Variants in NBEA observed in about 807,000 individuals in gnomAD.
NBEA encodes the protein neurobeachin, also known as lysosomal-trafficking regulator 2.
Under a neutral mutation model 343.4 loss-of-function variants are expected in NBEA, and 44 were observed. The observed-to-expected ratio is 0.13, with a 90% CI of 0.10 to 0.16. NBEA has a LOEUF of 0.16. Ranked by LOEUF, NBEA falls within the 10% of genes least tolerant of loss-of-function variation. NBEA has a pLI of 1.00. For synonymous variants in NBEA, 1,175 were observed against 1,238.7 expected (o/e 0.95, Z 1.08); for missense variants, 2,555 against 3,631.3 (o/e 0.70, Z 7.62).
At chr13:35,265,433 T>A (rs1203229279) in intron 34 of NBEA, among the ~76,000 whole-genome samples, 1 of 151,490 alleles carries the variant, frequency 6.6e-6, no homozygotes. Context: ...GTAAAAAAAA[T>A]TTGAGGCATC....
intron 35 of NBEA, among the ~76,000 whole-genome samples, chr13:35,307,802 A>G (rs1425355067): frequency 6.6e-6 from 1 of 152,112 alleles, no homozygotes; most frequent in Non-Finnish European, 1.5e-5. Flanking sequence ...GATTTCCAAT[A>G]AATACAGAAT....
At chr13:35,541,254 G>C (rs2078809201) in intron 41 of NBEA, among the ~76,000 whole-genome samples, 1 of 150,724 alleles carries the variant, frequency 6.6e-6, no homozygotes, top group Non-Finnish European at 1.5e-5. Context: ...CCTTCTGCTT[G>C]GTACTTCCTT....
chr13:34,955,804 G>A (rs1306253163), intron 1 of NBEA, among the ~76,000 whole-genome samples: 1 of 151,994 alleles, frequency 6.6e-6, no homozygotes, highest in Admixed American at 6.6e-5. Context: ...TTCTGTTTAG[G>A]CCTTCAACTG....
At chr13:35,211,236 C>T in intron 33 of NBEA, 57 bp downstream of exon 33, 1 of 1,351,170 alleles carries the variant, frequency 7.4e-7, no homozygotes, top group Non-Finnish European at 1.0e-6. Context: ...TGAAACAGTA[C>T]ACAAAAATAC....
chr13:35,464,796 T>C (rs2047081832), intron 40 of NBEA, among the ~76,000 whole-genome samples: 1 of 152,208 alleles, frequency 6.6e-6, no homozygotes, highest in Non-Finnish European at 1.5e-5. Flanking sequence ...TAATTATTCT[T>C]GTGTATTCTT....
chr13:35,168,888 T>C (rs2070246373), intron 24 of NBEA, 99 bp from the exon 25 acceptor site: 1 of 799,738 alleles, frequency 1.3e-6, no homozygotes, highest in African/African-American at 1.8e-5. Context: ...AAATATATTA[T>C]TTTGTGTTTC....
chr13:35,184,451 T>G (rs985395312), intron 30 of NBEA, among the ~76,000 whole-genome samples: 1 of 152,052 alleles, frequency 6.6e-6, no homozygotes, highest in African/African-American at 2.4e-5. Context: ...TATACGTTAT[T>G]TAACTTCCAG....
intron 56 of NBEA, 38 bp from the exon 57 acceptor site, chr13:35,667,335 TC>T (rs1566484687): frequency 3.2e-6 from 5 of 1,569,504 alleles, no homozygotes; most frequent in South Asian, 1.1e-5. Context: ...TCGTTTGTCG[TC>T]CCCAACTGAC....
intron 43 of NBEA, 48 bp downstream of exon 43, chr13:35,551,080 A>C (rs1270704022): frequency 9.3e-7 from 1 of 1,080,114 alleles, no homozygotes; most frequent in East Asian, 2.4e-5. Flanking sequence ...AACATATTTC[A>C]ATCTCAATAT....
At chr13:35,251,591 CCAA>C (rs2031965407) in intron 34 of NBEA, 1 of 1,221,512 alleles carries the variant, frequency 8.2e-7, no homozygotes, top group Non-Finnish European at 1.0e-6. Context: ...GCAGTGGAAG[CCAA>C]ACAGGTAGCT....
chr13:35,469,345 G>T (rs1461557870), intron 40 of NBEA, among the ~76,000 whole-genome samples: 1 of 152,080 alleles, frequency 6.6e-6, no homozygotes, highest in African/African-American at 2.4e-5. Flanking sequence ...GCTCTAAAGA[G>T]AAGTTATTAT....
At chr13:34,984,521 A>G (rs368484271) in intron 1 of NBEA, among the ~76,000 whole-genome samples, 1 of 151,514 alleles carries the variant, frequency 6.6e-6, no homozygotes, top group Non-Finnish European at 1.5e-5. Context: ...TGTATTGGCA[A>G]TGCGGGCTCT....
chr13:35,135,234 T>C (rs2067651835), intron 17 of NBEA, among the ~76,000 whole-genome samples: 1 of 152,092 alleles, frequency 6.6e-6, no homozygotes, highest in African/African-American at 2.4e-5. Context: ...TCCTATACCT[T>C]ATCCTCCATT....
At chr13:35,378,094 C>G (rs1447154611) in intron 38 of NBEA, among the ~76,000 whole-genome samples, 1 of 152,138 alleles carries the variant, frequency 6.6e-6, no homozygotes, top group African/African-American at 2.4e-5. Context: ...TCAAATATTA[C>G]TGTCTTGGGG....
At chr13:35,036,870 T>G (rs181652030) in intron 1 of NBEA, among the ~76,000 whole-genome samples, 3 of 152,180 alleles carry the variant, frequency 2.0e-5, no homozygotes, top group African/African-American at 4.8e-5. Context: ...CTAAATGTCT[T>G]GAGGTAGTCT....
chr13:35,204,894 T>A (rs1370806850), intron 31 of NBEA, among the ~76,000 whole-genome samples: 2 of 152,110 alleles, frequency 1.3e-5, no homozygotes, highest in Non-Finnish European at 2.9e-5. Context: ...CTAGGTAAGA[T>A]TTTTTTGGTG....
chr13:35,073,039 A>C (rs555266969), intron 10 of NBEA, among the ~76,000 whole-genome samples: 1 of 152,242 alleles, frequency 6.6e-6, no homozygotes, highest in Non-Finnish European at 1.5e-5. Context: ...TCTTTGGTAC[A>C]GACAATTGTG....
chr13:35,122,951 G>A (rs754257243), intron 16 of NBEA, among the ~76,000 whole-genome samples: 7 of 152,098 alleles, frequency 4.6e-5, no homozygotes, highest in Non-Finnish European at 1.0e-4. Context: ...TCTCAAAAAG[G>A]AGAAAGAACT....
chr13:35,045,113 G>A (rs2062801405), intron 3 of NBEA, 66 bp downstream of exon 3: 1 of 1,408,268 alleles, frequency 7.1e-7, no homozygotes, highest in African/African-American at 1.4e-5. Flanking sequence ...TCAAAAGTTT[G>A]TCTCTAGAGA....
Sources: allele counts gnomAD v4.1 joint callset (sites outside exome capture counted in the v4.1 genomes callset), GRCh38; gene constraint gnomAD v4.1.1; transcripts MANE v1.5; gene names NCBI Gene and HGNC (gene_info 2026-07-23, HGNC 2026-07-21).